Variants in PACS2 observed in about 807,000 individuals in gnomAD.
PACS2 encodes PACS1-like protein.
In PACS2, 36 loss-of-function variants were observed where a neutral mutation model predicts 113.0. That is an observed-to-expected ratio of 0.32 (90% CI 0.24 to 0.42). PACS2 has a LOEUF of 0.42. Among genes scored for constraint, PACS2 ranks in the 10% least tolerant of loss-of-function variants. PACS2 has a pLI of 1.00. For missense variants in PACS2, 1,015 were observed against 1,239.5 expected (o/e 0.82, Z 2.72); for synonymous variants, 589 against 536.1 (o/e 1.10, Z -1.36).
chr14:105,384,381 C>T lies in PACS2; in HGVS notation c.1809C>T (p.Gly603=), dbSNP rs782505115. The change falls in exon 17 of 25, where the codon GGC becomes GGT. Residue 603 remains glycine (G), a synonymous_variant. Coordinates refer to ENST00000447393, the MANE Select transcript of PACS2 (RefSeq NM_001100913.3). ...CCCACCCCGTGGCCAGGTACCTAGG[C>T]TCCGTGGACTACCGCTACAACAACT... The part of the protein sequence containing the change: ...LGSHPVARYL[G]SVDYRYNNFF... 9 of 1,611,894 alleles carry T rather than the reference C, an allele frequency of 5.6e-6. No homozygotes were observed. In the African/African-American group the frequency reaches 6.7e-5, roughly 12 times the overall value.
chr14:105,378,472 C>T (rs2080863797), intron 9 of PACS2, among the ~76,000 whole-genome samples: 1 of 152,338 alleles, frequency 6.6e-6, no homozygotes, highest in African/African-American at 2.4e-5. Flanking sequence ...TGTAGTTGTG[C>T]AGTCGTGGCT....
At chr14:105,368,699 G>A (rs1219272279) in intron 7 of PACS2, among the ~76,000 whole-genome samples, 160 bp downstream of exon 7, 5 of 152,302 alleles carry the variant, frequency 3.3e-5, no homozygotes, top group South Asian at 4.1e-4. Context: ...GTCTCCTGCC[G>A]GGTGCCACTG....
intron 1 of PACS2, among the ~76,000 whole-genome samples, chr14:105,320,361 A>G (rs1044586714): frequency 1.3e-5 from 2 of 151,266 alleles, no homozygotes; most frequent in African/African-American, 2.4e-5. Flanking sequence ...ATTGGTGGAT[A>G]TATATTTATT....
At chr14:105,350,981 C>A (rs587641196) in intron 2 of PACS2, among the ~76,000 whole-genome samples, 1 of 152,216 alleles carries the variant, frequency 6.6e-6, no homozygotes, top group Non-Finnish European at 1.5e-5. Context: ...ATGGACGTCT[C>A]ATGGAGCCCG....
Position 105,382,921 on chromosome 14 carries a change from G to A in PACS2, c.1625+8G>A. The A allele has an allele frequency of 1.3e-6, 2 of 1,545,244 alleles. No homozygotes were observed. Among genetic ancestry groups the A allele is most frequent in the Non-Finnish European group, 1.8e-6 (2 of 1,125,570 alleles). Reference sequence around the variant, plus strand: ...CTCACGGATACAGAGATAGTGAGTTGGGCTCCACCCTGTACTCACCACCCA... The same window carrying A: ...CTCACGGATACAGAGATAGTGAGTTAGGCTCCACCCTGTACTCACCACCCA... On this transcript the variant is annotated splice_region_variant and intron_variant, in intron 15 of 24. Coordinates refer to ENST00000447393, the MANE Select transcript of PACS2 (RefSeq NM_001100913.3).
At chr14:105,383,791 C>T (rs762949411) in intron 16 of PACS2, 3 of 437,818 alleles carry the variant, frequency 6.9e-6, no homozygotes, top group Admixed American at 4.2e-5. Flanking sequence ...AAGCCATCGC[C>T]CTCTGAAGGG....
chr14:105,378,165 A>C (rs1231637440), intron 9 of PACS2, among the ~76,000 whole-genome samples: 2 of 152,186 alleles, frequency 1.3e-5, no homozygotes, highest in African/African-American at 4.8e-5. Context: ...TTCTGTCTTT[A>C]ACGGCTCACG....
Position 105,315,090 on chromosome 14 carries a change from C to CTGGCCGCG in PACS2, c.119+54_119+61dup. On this transcript the variant is annotated intron_variant, in intron 1 of 24. Transcript: ENST00000447393. This position sits in a 1 kb window ranked among gnomAD's most constrained non-coding sequence, Gnocchi z 4.4. ...CCGCCGGGCACCTGCTGGGGGTGTC[C>CTGGCCGCG]TGGCCGCGGCCTCTGCGCGCCCCAT... 9.5e-7 allele frequency: 1 copy of CTGGCCGCG among 1,048,746 alleles called. No individual in the cohort carries two copies. Among genetic ancestry groups the CTGGCCGCG allele is most frequent in the Middle Eastern group, 4.4e-4 (1 of 2,298 alleles). The allele number at this position is 1,048,746 out of a possible 1,614,324, so 65.0% of individuals were successfully genotyped here. A position where few individuals can be genotyped will look rare whatever the true frequency, so the allele number is the denominator to read the frequency against.
chr14:105,376,681 C>T lies in PACS2; in HGVS notation c.802-87C>T, dbSNP rs958885591. On this transcript the variant is annotated intron_variant, in intron 8 of 24. Coordinates refer to ENST00000447393, the MANE Select transcript of PACS2 (RefSeq NM_001100913.3). This position sits in a 1 kb window ranked among gnomAD's most constrained non-coding sequence, Gnocchi z 4.7. ...GTGGCTGGGTGCCCGCCTCCTATTG[C>T]TCCTGCAGACTCTGGGGTCTCGGGC... is the stretch of plus-strand genomic sequence containing the variant. 1.5e-6 allele frequency: 2 copies of T among 1,327,404 alleles called. No individual in the cohort carries two copies. Among genetic ancestry groups the T allele is most frequent in the East Asian group, 2.5e-5 (1 of 40,754 alleles). 82.2% of individuals were successfully genotyped at this position (1,327,404 alleles called of 1,614,324 possible). A position where few individuals can be genotyped will look rare whatever the true frequency, so the allele number is the denominator to read the frequency against.
chr14:105,372,624 A>T (rs1376838250), intron 8 of PACS2: 1 of 152,238 alleles, frequency 6.6e-6, no homozygotes, highest in Non-Finnish European at 1.5e-5. Flanking sequence ...GAATGAAAAG[A>T]TGGCCAGGTG....
chr14:105,349,708 TGCTCGTGG>T (rs1227611879), intron 2 of PACS2, among the ~76,000 whole-genome samples: 3 of 152,278 alleles, frequency 2.0e-5, no homozygotes, highest in Non-Finnish European at 4.4e-5. Flanking sequence ...TCGCTGAACA[TGCTCGTGG>T]ATTAGCAGCA....
At chr14:105,336,786 C>T (rs587625103) in intron 1 of PACS2, 2 of 152,402 alleles carry the variant, frequency 1.3e-5, no homozygotes, top group Non-Finnish European at 2.9e-5. Flanking sequence ...GGGAATGTAG[C>T]ATGGTGCAGC....
intron 22 of PACS2, 87 bp downstream of exon 22, chr14:105,391,853 C>T: frequency 7.4e-7 from 1 of 1,345,964 alleles, no homozygotes; most frequent in Non-Finnish European, 1.0e-6. Flanking sequence ...ATGTCACATC[C>T]ACCTCCCAGG....
At chr14:105,381,367 C>T (rs2080988682) in intron 12 of PACS2, among the ~76,000 whole-genome samples, 1 of 152,378 alleles carries the variant, frequency 6.6e-6, no homozygotes, top group African/African-American at 2.4e-5. Flanking sequence ...GCCCCCACAT[C>T]CCCCTGAGTA....
Position 105,366,441 on chromosome 14 carries a change from G to A in PACS2, c.424-772G>A, listed in dbSNP as rs1235136790. Among the ~76,000 whole-genome samples, 6 of 152,238 alleles carry A rather than the reference G, an allele frequency of 3.9e-5. No individual in the cohort carries two copies. The highest frequency in any genetic ancestry group is 1.4e-4 in the African/African-American group (6 of 41,468). Reference sequence around the variant, plus strand: ...AAAGGCGGCTTCTAGAGCACAGCTGGCCCCAAGGCTGTGAGTGTCTGAGAG... The same window carrying A: ...AAAGGCGGCTTCTAGAGCACAGCTGACCCCAAGGCTGTGAGTGTCTGAGAG... On this transcript the variant is annotated intron_variant, in intron 4 of 24. Coordinates refer to ENST00000447393, the MANE Select transcript of PACS2 (RefSeq NM_001100913.3). This position sits in a 1 kb window ranked among gnomAD's most constrained non-coding sequence, Gnocchi z 4.3.
chr14:105,386,997 C>G (rs2081198459), intron 19 of PACS2, among the ~76,000 whole-genome samples: 1 of 152,202 alleles, frequency 6.6e-6, no homozygotes, highest in Non-Finnish European at 1.5e-5. Flanking sequence ...TTCCAAGCAG[C>G]AAGCCAGGGC....
chr14:105,309,804 T>TA (rs1250991382), upstream of PACS2, among the ~76,000 whole-genome samples: 1 of 135,100 alleles, frequency 7.4e-6, no homozygotes, highest in Admixed American at 7.4e-5. This position sits in a 1 kb window ranked among gnomAD's most constrained non-coding sequence, Gnocchi z 4.0. Context: ...TTTTTTTTTT[T>TA]AGACGGAGTC....
intron 8 of PACS2, among the ~76,000 whole-genome samples, chr14:105,373,160 T>C (rs1334136806): frequency 1.3e-5 from 2 of 152,214 alleles, no homozygotes; most frequent in African/African-American, 4.8e-5. Context: ...ATCCCTAAAT[T>C]GATGTACAAA....
At chr14:105,305,224 A>C (rs928990024) in intron 1 of PACS2, among the ~76,000 whole-genome samples, 1 of 151,962 alleles carries the variant, frequency 6.6e-6, no homozygotes, top group Non-Finnish European at 1.5e-5. Flanking sequence ...AACATGGCAA[A>C]ACCCTGACTC....
Sources: gnomAD v4.1 joint callset for allele counts (sites outside exome capture counted in the v4.1 genomes callset) on GRCh38, gnomAD v4.1.1 for gene constraint, Gnocchi (gnomAD v3.1) non-coding constraint, MANE v1.5 for transcripts, NCBI Gene and HGNC (gene_info 2026-07-23, HGNC 2026-07-21) for gene names.